FTO: variants seen among roughly 807,000 people sequenced by gnomAD.
FTO encodes the protein alpha-ketoglutarate-dependent dioxygenase FTO.
FTO carries 47 observed loss-of-function variants against 63.9 expected under a neutral mutation model. The observed-to-expected ratio is 0.74, with a 90% CI of 0.58 to 0.94. The LOEUF (loss-of-function observed/expected upper bound fraction) is 0.94, where lower values mean the gene tolerates loss of function less well. Ranked by LOEUF, FTO falls within the 40% of genes least tolerant of loss-of-function variation. The pLI is 0.00. For synonymous variants in FTO, 207 were observed against 224.4 expected (o/e 0.92, Z 0.69); for missense variants, 562 against 618.1 (o/e 0.91, Z 0.96).
At chr16:53,753,767 G>A (rs2076853885) in intron 1 of FTO, among the ~76,000 whole-genome samples, 2 of 152,152 alleles carry the variant, frequency 1.3e-5, no homozygotes, top group African/African-American at 4.8e-5. Flanking sequence ...TTCCTCAGCT[G>A]GGAAGTGTGG....
In FTO at chr16:53,800,943, CAAT is replaced by C. The variant is rs939189530; in HGVS notation, c.46-9196_46-9194del. Among the ~76,000 whole-genome samples, 163 of 152,172 alleles carry C rather than the reference CAAT, an allele frequency of 1.1e-3. 1 individual carries two copies. The highest frequency in any genetic ancestry group is 3.8e-3 in the African/African-American group (159 of 41,550). ...TTATGTGGCATTAAATACAATTTCA[CAAT>C]GTCTTGTCCATCCTTTTACTTTAAA... On this transcript the variant is annotated intron_variant, in intron 1 of 8. Coordinates refer to ENST00000471389, the MANE Select transcript of FTO (RefSeq NM_001080432.3).
intron 1 of FTO, among the ~76,000 whole-genome samples, chr16:53,739,453 A>G (rs537517847): frequency 6.7e-6 from 1 of 148,498 alleles, no homozygotes; most frequent in African/African-American, 2.5e-5. Flanking sequence ...TGACCTTGTG[A>G]TCCGCCCGCC....
At chr16:53,826,535 T>C in intron 3 of FTO, 44 bp downstream of exon 3, 1 of 1,596,002 alleles carries the variant, frequency 6.3e-7, no homozygotes, top group Admixed American at 1.7e-5. Context: ...TGTAATAATA[T>C]GACCCGAGTT....
chr16:53,986,362 A>G (rs1283654010), intron 8 of FTO, among the ~76,000 whole-genome samples: 2 of 152,138 alleles, frequency 1.3e-5, no homozygotes, highest in Non-Finnish European at 2.9e-5. Flanking sequence ...CTGTTCAACC[A>G]TCTCGGAAAC....
At chr16:53,809,032 G>A (rs952848732) in intron 1 of FTO, among the ~76,000 whole-genome samples, 2 of 152,166 alleles carry the variant, frequency 1.3e-5, no homozygotes, top group African/African-American at 4.8e-5. Context: ...TGAATGTAAG[G>A]TCAGATATTC....
intron 8 of FTO, among the ~76,000 whole-genome samples, chr16:54,086,969 A>G (rs1422450987): frequency 6.6e-6 from 1 of 152,168 alleles, no homozygotes; most frequent in Non-Finnish European, 1.5e-5. Flanking sequence ...ATGAGATGCC[A>G]TTGCTTTCTC....
At chr16:53,878,753 T>C (rs576976566) in intron 5 of FTO, among the ~76,000 whole-genome samples, 3 of 152,312 alleles carry the variant, frequency 2.0e-5, no homozygotes, top group Non-Finnish European at 2.9e-5. Context: ...TTCCAACATA[T>C]GATCATTTAT....
At chr16:53,861,847 G>C (rs1014180630) in intron 4 of FTO, among the ~76,000 whole-genome samples, 2 of 152,126 alleles carry the variant, frequency 1.3e-5, no homozygotes, top group Admixed American at 1.3e-4. Context: ...GGGAGTGGTC[G>C]TGGCATATTC....
At chr16:54,065,438 G>A (rs72809663) in intron 8 of FTO, among the ~76,000 whole-genome samples, 9,820 of 152,130 alleles carry the variant, frequency 0.065, 447 homozygotes, top group East Asian at 0.14. Context: ...AGCTGTGATT[G>A]CAGGTGTGCA....
At chr16:53,968,106 C>T (rs2083236048) in intron 8 of FTO, among the ~76,000 whole-genome samples, 1 of 152,084 alleles carries the variant, frequency 6.6e-6, no homozygotes, top group Non-Finnish European at 1.5e-5. Context: ...CAGTGATATA[C>T]ATATATACAC....
At chr16:54,093,234 T>C (rs2086436221) in intron 8 of FTO, among the ~76,000 whole-genome samples, 1 of 152,216 alleles carries the variant, frequency 6.6e-6, no homozygotes, top group South Asian at 2.1e-4. Context: ...GTCAGTCTCC[T>C]GCTAGAAAGA....
intron 8 of FTO, among the ~76,000 whole-genome samples, chr16:53,975,058 A>G (rs1040113414): frequency 6.6e-6 from 1 of 152,064 alleles, no homozygotes; most frequent in African/African-American, 2.4e-5. Flanking sequence ...TCTATTTCTA[A>G]ATTGACTTCA....
intron 8 of FTO, among the ~76,000 whole-genome samples, chr16:54,066,666 G>A (rs1442974583): frequency 1.3e-5 from 2 of 152,218 alleles, no homozygotes; most frequent in African/African-American, 4.8e-5. Flanking sequence ...CCCACCATTT[G>A]CTGACTCATG....
At chr16:54,016,131 A>G (rs1462695234) in intron 8 of FTO, among the ~76,000 whole-genome samples, 1 of 152,196 alleles carries the variant, frequency 6.6e-6, no homozygotes, top group Non-Finnish European at 1.5e-5. Flanking sequence ...TGAGACCAAG[A>G]GGAAGTAACA....
At chr16:53,971,830 T>C (rs2083326579) in intron 8 of FTO, among the ~76,000 whole-genome samples, 1 of 152,218 alleles carries the variant, frequency 6.6e-6, no homozygotes. Flanking sequence ...CAATATGTTT[T>C]TGGCAGAAGC....
intron 7 of FTO, among the ~76,000 whole-genome samples, chr16:53,891,631 A>G (rs1362502159): frequency 3.9e-5 from 6 of 152,200 alleles, no homozygotes; most frequent in Non-Finnish European, 8.8e-5. Context: ...ACTGCACTCT[A>G]GCCTGGGTGA....
intron 1 of FTO, among the ~76,000 whole-genome samples, chr16:53,781,852 G>A (rs753729224): frequency 6.6e-6 from 1 of 152,078 alleles, no homozygotes. Context: ...AAAAAATATA[G>A]GTTTTGGAGA....
In FTO at chr16:53,857,044, T is replaced by G. The variant is rs561916148; in HGVS notation, c.895+12746T>G. 2.9e-4 allele frequency among the ~76,000 whole-genome samples: 44 copies of G among 151,110 alleles called. No individual in the cohort carries two copies. The South Asian group carries it at 9.0e-3, about 31-fold the overall frequency. ...ATGTGGATGCCACAACTTTTTCCCC[T>G]GTTGACTGTTGTTATTGGTATGGAA... On this transcript the variant is annotated intron_variant, in intron 4 of 8. Coordinates refer to ENST00000471389, the MANE Select transcript of FTO (RefSeq NM_001080432.3).
chr16:53,856,278 C>T (rs1448681008), intron 4 of FTO, among the ~76,000 whole-genome samples: 1 of 151,712 alleles, frequency 6.6e-6, no homozygotes, highest in African/African-American at 2.4e-5. Context: ...TCAGTCCCAG[C>T]AGCACGTTTC....
Sources: allele counts gnomAD v4.1 joint callset (sites outside exome capture counted in the v4.1 genomes callset), GRCh38; gene constraint gnomAD v4.1.1; transcripts MANE v1.5; gene names NCBI Gene and HGNC (gene_info 2026-07-23, HGNC 2026-07-21).